The following MAP3K21 variants were observed in gnomAD, a reference collection of about 807,000 sequenced individuals.
The protein encoded by MAP3K21 is mitogen-activated protein kinase kinase kinase MLK4.
A neutral mutation model predicts 86.1 loss-of-function variants in MAP3K21; 63 were observed. The ratio of observed to expected loss-of-function variants is 0.73; its 90% CI spans 0.60 to 0.90. The LOEUF is 0.90. Among genes scored for constraint, MAP3K21 ranks in the 40% least tolerant of loss-of-function variants. The pLI is 0.00. For missense variants in MAP3K21, 1,220 were observed against 1,367.7 expected, an observed-to-expected ratio of 0.89 and a Z score of 1.70; for synonymous variants, 558 against 564.8, an observed-to-expected ratio of 0.99 and a Z score of 0.17.
chr1:233,352,217 A>G (rs1200994945), intron 2 of MAP3K21, among the ~76,000 whole-genome samples: 1 of 152,112 alleles, frequency 6.6e-6, no homozygotes, highest in East Asian at 1.9e-4. Context: ...ATAATTGTAC[A>G]TATTTATGGG....
intron 9 of MAP3K21, among the ~76,000 whole-genome samples, chr1:233,380,047 T>A (rs538870463): frequency 6.6e-6 from 1 of 152,334 alleles, no homozygotes; most frequent in African/African-American, 2.4e-5. Context: ...GGGCTGGAAC[T>A]GAAACTGGCC....
intron 2 of MAP3K21, among the ~76,000 whole-genome samples, chr1:233,352,512 C>T (rs946911123): frequency 5.3e-5 from 8 of 151,730 alleles, no homozygotes; most frequent in African/African-American, 1.5e-4. Flanking sequence ...CTCAGTGCAA[C>T]CTCTGCCTCT....
intron 5 of MAP3K21, among the ~76,000 whole-genome samples, chr1:233,364,932 T>C (rs1475474413): frequency 6.6e-6 from 1 of 152,162 alleles, no homozygotes; most frequent in Non-Finnish European, 1.5e-5. Flanking sequence ...ATAATACTGG[T>C]ACCAATATGG....
chr1:233,368,338 C>A (rs1663618706), intron 5 of MAP3K21, among the ~76,000 whole-genome samples: 1 of 152,156 alleles, frequency 6.6e-6, no homozygotes, highest in African/African-American at 2.4e-5. Flanking sequence ...AACTGCTCTG[C>A]CCTGGTCAAG....
chr1:233,368,601 G>A (rs1378960275), intron 5 of MAP3K21, among the ~76,000 whole-genome samples: 1 of 151,754 alleles, frequency 6.6e-6, no homozygotes, highest in African/African-American at 2.4e-5. Flanking sequence ...GGCTGCAGTG[G>A]ACTGAGATTG....
At chr1:233,329,445 C>G (rs1294311) in intron 1 of MAP3K21, among the ~76,000 whole-genome samples, 119,362 of 151,690 alleles carry the variant, frequency 0.79, 47,136 homozygotes, top group East Asian at 0.99. Context: ...CCTGAGGTTA[C>G]GAGTTTGAGA....
chr1:233,339,745 A>G (rs1251387969), intron 1 of MAP3K21, among the ~76,000 whole-genome samples: 1 of 151,926 alleles, frequency 6.6e-6, no homozygotes, highest in Non-Finnish European at 1.5e-5. Context: ...TAGCCTCCCA[A>G]AGTGCTGGGA....
chr1:233,371,093 A>T (rs969194268), intron 5 of MAP3K21, among the ~76,000 whole-genome samples: 8 of 152,168 alleles, frequency 5.3e-5, no homozygotes, highest in Non-Finnish European at 1.0e-4. Flanking sequence ...TTCCATATGA[A>T]CCTATAGATC....
Position 233,382,648 on chromosome 1 carries a change from C to A in MAP3K21, c.3048C>A (p.Cys1016Ter). ...GCAGGGACTACACTGTGCCACTGTG[C>A]AGAATGAGGAGCAAAACCAGCCGGC... Reference protein sequence around the residue: ...GQSRDYTVPLCRMRSKTSRPS... With the variant: ...GQSRDYTVPL Residue 1016 changes from cysteine to a stop codon, truncating the protein, a stop_gained, in exon 10 of 10, where the codon TGC (cysteine) becomes TGA (stop). Transcript: ENST00000366624. LOFTEE classifies it low-confidence loss of function (END_TRUNC). The A allele has an allele frequency of 1.2e-6, 2 of 1,614,070 alleles. No homozygotes were observed. Among genetic ancestry groups the A allele is most frequent in the Non-Finnish European group, 1.7e-6 (2 of 1,179,980 alleles).
intron 1 of MAP3K21, among the ~76,000 whole-genome samples, chr1:233,345,071 G>T (rs1572242736): frequency 6.6e-6 from 1 of 152,212 alleles, no homozygotes; most frequent in African/African-American, 2.4e-5. Context: ...CCATTAAAAA[G>T]TCAGGAAACA....
intron 5 of MAP3K21, among the ~76,000 whole-genome samples, chr1:233,365,290 A>G (rs1663552461): frequency 6.6e-6 from 1 of 152,242 alleles, no homozygotes; most frequent in African/African-American, 2.4e-5. Context: ...ACTATATTGA[A>G]CCGAAAAGCT....
chr1:233,352,660 A>T (rs1328507950), intron 2 of MAP3K21, among the ~76,000 whole-genome samples: 2 of 151,916 alleles, frequency 1.3e-5, no homozygotes, highest in African/African-American at 4.8e-5. Context: ...TGTACTTCTG[A>T]CCTCAGGTGA....
At chr1:233,341,054 G>T (rs1663030509) in intron 1 of MAP3K21, among the ~76,000 whole-genome samples, 1 of 152,184 alleles carries the variant, frequency 6.6e-6, no homozygotes, top group Admixed American at 6.5e-5. Context: ...CTAAGTACAA[G>T]GTTGTAGAGG....
intron 5 of MAP3K21, among the ~76,000 whole-genome samples, chr1:233,369,573 T>C (rs1012136581): frequency 2.0e-5 from 3 of 152,292 alleles, no homozygotes; most frequent in African/African-American, 7.2e-5. Flanking sequence ...ATCCCGCCTC[T>C]ACCCGCTTTG....
chr1:233,349,881 G>A (rs1406857737), intron 2 of MAP3K21, among the ~76,000 whole-genome samples: 1 of 151,752 alleles, frequency 6.6e-6, no homozygotes, highest in African/African-American at 2.4e-5. Context: ...AGGTTGCAGG[G>A]AGCCGAGATC....
Position 233,384,837 on chromosome 1 carries a change from A to G in MAP3K21, c.*2126A>G, listed in dbSNP as rs1298648519. On this transcript the variant is annotated 3_prime_UTR_variant, in exon 10 of 10. Transcript: ENST00000366624. ...TGAATTTCAAAATGAAGCTGTATTAAAATAATTGTAATATAACAATTCAAT... is the reference window on the plus strand; with the variant it reads ...TGAATTTCAAAATGAAGCTGTATTAGAATAATTGTAATATAACAATTCAAT... 6.6e-6 allele frequency: 1 copy of G among 152,200 alleles called. No individual in the cohort carries two copies. The highest frequency in any genetic ancestry group is 1.5e-5 in the Non-Finnish European group (1 of 68,030). The allele number at this position is 152,200 out of a possible 1,614,324, so 9.4% of individuals were successfully genotyped here.
chr1:233,335,627 T>C (rs1214496369), intron 1 of MAP3K21, among the ~76,000 whole-genome samples: 1 of 152,146 alleles, frequency 6.6e-6, no homozygotes, highest in Non-Finnish European at 1.5e-5. Context: ...GGACCTCTGA[T>C]CCTGGAACTT....
At chr1:233,351,103 G>A (rs529690012) in intron 2 of MAP3K21, among the ~76,000 whole-genome samples, 71 of 151,412 alleles carry the variant, frequency 4.7e-4, no homozygotes, top group African/African-American at 1.7e-3. Flanking sequence ...TTCTATGTAA[G>A]TTTTTTTTGT....
At position 233,328,015 on chromosome 1, in the gene MAP3K21, G is replaced by A; in HGVS notation, c.-14G>A. On this transcript the variant is annotated 5_prime_UTR_variant, in exon 1 of 10. Transcript: ENST00000366624. The surrounding 1 kb of genome is among the most constrained non-coding windows in gnomAD (Gnocchi z 8.7). ...CCCAGCTTCCCGCTCCGCCTTCCCC[G>A]CGCAGCTGCCCCCATGGCTTTGCGG... 2 of 1,254,524 alleles carry A rather than the reference G, an allele frequency of 1.6e-6. No homozygotes were observed. The highest frequency in any genetic ancestry group is 6.5e-5 in the East Asian group (2 of 30,868). 77.7% of individuals were successfully genotyped at this position (1,254,524 alleles called of 1,614,324 possible).
Sources: allele counts gnomAD v4.1 joint callset (sites outside exome capture counted in the v4.1 genomes callset), GRCh38; gene constraint gnomAD v4.1.1; non-coding constraint Gnocchi (gnomAD v3.1); transcripts MANE v1.5; gene names NCBI Gene and HGNC (gene_info 2026-07-23, HGNC 2026-07-21).